The following ZNF534 variants were observed in gnomAD, a reference collection of about 807,000 sequenced individuals.
ZNF534 encodes the protein KRAB domain only 3.
Under a neutral mutation model 13.6 loss-of-function variants are expected in ZNF534, and 19 were observed. The ratio of observed to expected loss-of-function variants is 1.40; its 90% CI spans 0.97 to 2.05. The LOEUF (loss-of-function observed/expected upper bound fraction) is 2.05. ZNF534 is among the 30% of genes most tolerant of loss of function. ZNF534 has a pLI of 0.00. For missense variants in ZNF534, 782 were observed against 796.3 expected, an observed-to-expected ratio of 0.98 and a Z score of 0.22; for synonymous variants, 244 against 273.8, an observed-to-expected ratio of 0.89 and a Z score of 1.07.
chr19:52,445,544 C>A (rs543161007), downstream of ZNF534, among the ~76,000 whole-genome samples: 2 of 152,242 alleles, frequency 1.3e-5, no homozygotes, highest in African/African-American at 4.8e-5. Flanking sequence ...GAATCTTCTC[C>A]CATGATCTAG....
At position 52,438,068 on chromosome 19, in the gene ZNF534, A is replaced by C; in HGVS notation, c.608A>C (p.Asn203Thr). 6.2e-7 allele frequency: 1 copy of C among 1,614,176 alleles called. No homozygotes were observed. The highest frequency in any genetic ancestry group is 8.5e-7 in the Non-Finnish European group (1 of 1,180,022). The change falls in exon 5 of 5, where the codon AAC (asparagine) becomes ACC (threonine). Residue 203 changes from asparagine (N) to threonine (T), a missense_variant. This residue lies in a region of ZNF534 where 591 missense variants were observed against 574.0 expected (regional missense o/e 1.03). Transcript: ENST00000433050. ...KVFRVSSSLT[N>T]RQVIHIADKT... ...TTCAGAGTGTCTTCAAGCCTTACTA[A>C]CCGTCAAGTAATCCACATTGCAGAT...
rs1251422980 is a variant in ZNF534, at chr19:52,437,711, A to G, written c.272-21A>G. ...CATGCCAGAATCGGGATTAAGTTCT[A>G]AAATTTTCTTGCTTTTCTAGAGAAG... On this transcript the variant is annotated intron_variant, in intron 4 of 4. Coordinates refer to ENST00000433050, the MANE Select transcript of ZNF534 (RefSeq NM_001143938.3). 3 of 1,535,742 alleles carry G rather than the reference A, an allele frequency of 2.0e-6. No individual in the cohort carries two copies. The South Asian group carries it at 3.9e-5, about 20-fold the overall frequency.
intron 2 of ZNF534, among the ~76,000 whole-genome samples, chr19:52,431,982 T>G (rs2059090504): frequency 6.6e-6 from 1 of 151,962 alleles, no homozygotes; most frequent in African/African-American, 2.4e-5. Flanking sequence ...TATGTGTAAG[T>G]GTGTACATGT....
intron 4 of ZNF534, among the ~76,000 whole-genome samples, chr19:52,450,685 GTTTTTGTTTTTGTT>G (rs2059210946): frequency 8.7e-5 from 1 of 11,468 alleles, no homozygotes; most frequent in Non-Finnish European, 1.7e-4. Context: ...TTTTTTTTTT[GTTTTTGTTTTTGTT>G]TTTTTTTTTT....
rs1312543725 is a variant in ZNF534 at position 52,441,565 on chromosome 19, C to T, written c.*2119C>T. The stretch of plus-strand genomic sequence containing the variant: ...GTCTTCAGTCACAAGTATTCCCTAA[C>T]AAATCACTATAGAATTCATACTGCA... On this transcript the variant is annotated 3_prime_UTR_variant, in exon 5 of 5. Coordinates refer to ENST00000433050, the MANE Select transcript of ZNF534 (RefSeq NM_001143938.3). 6.6e-6 allele frequency among the ~76,000 whole-genome samples: 1 copy of T among 152,152 alleles called. No homozygotes were observed. The highest frequency in any genetic ancestry group is 6.5e-5 in the Admixed American group (1 of 15,272).
intron 2 of ZNF534, 145 bp from the exon 3 acceptor site, chr19:52,433,810 C>A: frequency 1.2e-6 from 1 of 860,274 alleles, no homozygotes; most frequent in Non-Finnish European, 1.9e-6. Flanking sequence ...CAATCACAGA[C>A]ACATAACTAG....
At chr19:52,432,353 T>C (rs1568441038) in intron 2 of ZNF534, among the ~76,000 whole-genome samples, 1 of 152,220 alleles carries the variant, frequency 6.6e-6, no homozygotes, top group Non-Finnish European at 1.5e-5. Flanking sequence ...CTTAACTGTC[T>C]GATTCTTTAG....
At chr19:52,448,997 T>C in intron 4 of ZNF534, among the ~76,000 whole-genome samples, 1 of 152,190 alleles carries the variant, frequency 6.6e-6, no homozygotes, top group East Asian at 1.9e-4. Context: ...CTACTTCTTT[T>C]CATGCCTGTG....
chr19:52,437,460 TA>T (rs1451238045), intron 4 of ZNF534, among the ~76,000 whole-genome samples: 1 of 151,948 alleles, frequency 6.6e-6, no homozygotes, highest in African/African-American at 2.4e-5. Context: ...CTACTAAAAA[TA>T]AAAAAAGTTA....
At chr19:52,432,056 TA>T (rs2059091208) in intron 2 of ZNF534, among the ~76,000 whole-genome samples, 1 of 150,558 alleles carries the variant, frequency 6.6e-6, no homozygotes, top group South Asian at 2.1e-4. Flanking sequence ...ATGTCATCAT[TA>T]TATATATATA....
At chr19:52,432,131 T>C (rs1402677982) in intron 2 of ZNF534, among the ~76,000 whole-genome samples, 1 of 152,064 alleles carries the variant, frequency 6.6e-6, no homozygotes, top group Non-Finnish European at 1.5e-5. Context: ...CATTATCATG[T>C]ATGATGATAT....
At chr19:52,449,410 A>G (rs529528468) in intron 4 of ZNF534, among the ~76,000 whole-genome samples, 11 of 151,872 alleles carry the variant, frequency 7.2e-5, no homozygotes, top group African/African-American at 2.7e-4. Flanking sequence ...TTGCTGGATC[A>G]TATGGTAGTT....
chr19:52,440,461 A>G lies in ZNF534; in HGVS notation c.*1015A>G, dbSNP rs1375740246. On this transcript the variant is annotated 3_prime_UTR_variant, in exon 5 of 5. Coordinates refer to ENST00000433050, the MANE Select transcript of ZNF534 (RefSeq NM_001143938.3). ...TAGCAAATATGGCAAAGTCAAAGTC[A>G]CAATTCACATCTTGCACATCAAATA... 6.6e-6 allele frequency among the ~76,000 whole-genome samples: 1 copy of G among 152,202 alleles called. No individual in the cohort carries two copies. The highest frequency in any genetic ancestry group is 2.4e-5 in the African/African-American group (1 of 41,454).
chr19:52,441,987 CAT>C lies in ZNF534; in HGVS notation c.*2545_*2546del, dbSNP rs1358488323. On this transcript the variant is annotated 3_prime_UTR_variant, in exon 5 of 5. Coordinates refer to ENST00000433050, the MANE Select transcript of ZNF534 (RefSeq NM_001143938.3). The stretch of plus-strand genomic sequence containing the variant: ...CAGAGGTTCCATACTAAGGAGAAAT[CAT>C]ATAAATGTAATGTATGTGGCACAGG... Among the ~76,000 whole-genome samples, 4 of 152,144 alleles carry C rather than the reference CAT, an allele frequency of 2.6e-5. No homozygotes were observed. Among genetic ancestry groups the C allele is most frequent in the South Asian group, 2.1e-4 (1 of 4,824 alleles).
At chr19:52,432,444 G>A (rs1014345692) in intron 2 of ZNF534, among the ~76,000 whole-genome samples, 4 of 152,146 alleles carry the variant, frequency 2.6e-5, no homozygotes, top group Non-Finnish European at 5.9e-5. Context: ...AAGCTAGCGT[G>A]TATGTGAAAG....
At chr19:52,443,120 G>A (rs1385937505), downstream of ZNF534, among the ~76,000 whole-genome samples, 1 of 152,170 alleles carries the variant, frequency 6.6e-6, no homozygotes, top group East Asian at 1.9e-4. Flanking sequence ...AGCAAAGATG[G>A]AAAACAGTAG....
chr19:52,434,135 A>G, intron 3 of ZNF534, 54 bp downstream of exon 3: 1 of 1,578,924 alleles, frequency 6.3e-7, no homozygotes. Context: ...ATCTTTTTGC[A>G]TTTTCTCTTG....
chr19:52,439,792 A>G lies in ZNF534; in HGVS notation c.*346A>G, dbSNP rs1402135484. On this transcript the variant is annotated 3_prime_UTR_variant, in exon 5 of 5. Transcript: ENST00000433050. The stretch of plus-strand genomic sequence containing the variant: ...AAAAAAAAAATGAGTGAAGCTGCCA[A>G]GCATGGTGGCTCACGCCTTTAATCC... 1.3e-5 allele frequency among the ~76,000 whole-genome samples: 2 copies of G among 151,462 alleles called. No individual in the cohort carries two copies. The highest frequency in any genetic ancestry group is 3.9e-4 in the East Asian group (2 of 5,148).
At chr19:52,444,075 C>G (rs1437497055), downstream of ZNF534, among the ~76,000 whole-genome samples, 1 of 151,704 alleles carries the variant, frequency 6.6e-6, no homozygotes, top group Non-Finnish European at 1.5e-5. Flanking sequence ...GTTAGAAAAC[C>G]TTGTTTTGTT....
Sources: gnomAD v4.1 joint callset for allele counts (sites outside exome capture counted in the v4.1 genomes callset) on GRCh38, gnomAD v4.1.1 for gene constraint, gnomAD v4.1.1 regional missense constraint, MANE v1.5 for transcripts, NCBI Gene and HGNC (gene_info 2026-07-23, HGNC 2026-07-21) for gene names.